Variants in THSD4 observed in about 807,000 individuals in gnomAD.
THSD4 encodes the protein thrombospondin type-1 domain-containing protein 4.
THSD4 carries 69 observed loss-of-function variants against 119.0 expected under a neutral mutation model. That is an observed-to-expected ratio of 0.58 (90% confidence interval 0.48 to 0.71). The LOEUF (loss-of-function observed/expected upper bound fraction) is 0.71. Among genes scored for constraint, THSD4 ranks in the 30% least tolerant of loss-of-function variants. THSD4 has a pLI of 0.00. For synonymous variants in THSD4, 524 were observed against 540.4 expected, an observed-to-expected ratio of 0.97 and a Z score of 0.42; for missense variants, 1,393 against 1,391.1, an observed-to-expected ratio of 1.00 and a Z score of -0.02.
intron 7 of THSD4, among the ~76,000 whole-genome samples, chr15:71,511,880 G>A (rs536760146): frequency 3.3e-5 from 5 of 152,252 alleles, no homozygotes; most frequent in African/African-American, 1.2e-4. Context: ...CCACAGAGAC[G>A]GTGTCGGGAA....
intron 4 of THSD4, among the ~76,000 whole-genome samples, chr15:71,232,457 GA>G (rs1474272563): frequency 6.6e-6 from 1 of 152,158 alleles, no homozygotes; most frequent in Non-Finnish European, 1.5e-5. Flanking sequence ...CCTGGAGAAT[GA>G]AACTTACTAA....
intron 6 of THSD4, among the ~76,000 whole-genome samples, chr15:71,349,675 A>C (rs1372042054): frequency 6.6e-6 from 1 of 152,232 alleles, no homozygotes; most frequent in Non-Finnish European, 1.5e-5. Flanking sequence ...CAGTAGCCAA[A>C]GACCACTGTA....
At chr15:71,204,465 T>G (rs752880168) in intron 3 of THSD4, among the ~76,000 whole-genome samples, 3 of 152,170 alleles carry the variant, frequency 2.0e-5, no homozygotes, top group Non-Finnish European at 2.9e-5. Context: ...GTTGTGGTAC[T>G]TGAAGCGAAT....
chr15:71,319,866 A>G (rs1280193073), intron 6 of THSD4, among the ~76,000 whole-genome samples: 1 of 152,184 alleles, frequency 6.6e-6, no homozygotes, highest in Non-Finnish European at 1.5e-5. Flanking sequence ...AGTGTTACAA[A>G]CACGTGATTA....
At chr15:71,584,810 A>C (rs573015361) in intron 7 of THSD4, among the ~76,000 whole-genome samples, 77 of 152,170 alleles carry the variant, frequency 5.1e-4, no homozygotes, top group African/African-American at 1.7e-3. Flanking sequence ...GCAATTTGAC[A>C]ATTTTTTGAG....
rs115575165 is a variant in THSD4 at position 71,322,413 on chromosome 15, C to T, written c.1015+65698C>T. On this transcript the variant is annotated intron_variant, in intron 6 of 17. Coordinates refer to ENST00000261862, the MANE Select transcript of THSD4 (RefSeq NM_024817.3). Reference sequence around the variant, plus strand: ...AAACTTGCTAGGCCTGTTAAATCTTCGTGACTTCCTTCTGTTTTAAATTTT... The same window carrying T: ...AAACTTGCTAGGCCTGTTAAATCTTTGTGACTTCCTTCTGTTTTAAATTTT... Among the ~76,000 whole-genome samples, 1,077 of 152,292 alleles carry T rather than the reference C, an allele frequency of 7.1e-3. 13 individuals carry two copies. The highest frequency in any genetic ancestry group is 0.023 in the African/African-American group (976 of 41,564).
At chr15:71,261,447 T>C (rs552406561) in intron 6 of THSD4, among the ~76,000 whole-genome samples, 1 of 152,344 alleles carries the variant, frequency 6.6e-6, no homozygotes, top group South Asian at 2.1e-4. Context: ...CTCTTGTTTG[T>C]GTTCAACAGG....
intron 7 of THSD4, among the ~76,000 whole-genome samples, chr15:71,645,260 C>A (rs960487411): frequency 6.6e-6 from 1 of 152,122 alleles, no homozygotes; most frequent in African/African-American, 2.4e-5. Context: ...TTAATTGACT[C>A]ACAATTCCAC....
upstream of THSD4, among the ~76,000 whole-genome samples, chr15:71,113,359 T>C (rs565271209): frequency 2.0e-5 from 3 of 152,336 alleles, no homozygotes; most frequent in South Asian, 6.2e-4. Flanking sequence ...TCACTAATAA[T>C]CATACTTTGG....
rs148185385 is a variant in THSD4, at chr15:71,161,980, AAAC to A, written c.99+7052_99+7054del. Among the ~76,000 whole-genome samples, 286 of 152,134 alleles carry A rather than the reference AAAC, an allele frequency of 1.9e-3. 1 individual carries two copies. Among genetic ancestry groups the A allele is most frequent in the African/African-American group, 6.8e-3 (283 of 41,532 alleles). ...GTTATAATAGACTATTTCAAGCTGA[AAAC>A]AACTTAACTTTAGTTGCATTAAAGT... is the stretch of plus-strand genomic sequence containing the variant. On this transcript the variant is annotated intron_variant, in intron 3 of 17. Coordinates refer to ENST00000261862, the MANE Select transcript of THSD4 (RefSeq NM_024817.3).
At chr15:71,184,588 A>G (rs1434684377) in intron 3 of THSD4, among the ~76,000 whole-genome samples, 4 of 151,864 alleles carry the variant, frequency 2.6e-5, no homozygotes, top group Admixed American at 6.6e-5. Context: ...GCCTAGAGAC[A>G]TTAAATCCAC....
At chr15:71,461,334 G>A (rs1286334718) in intron 7 of THSD4, among the ~76,000 whole-genome samples, 1 of 152,166 alleles carries the variant, frequency 6.6e-6, no homozygotes, top group Non-Finnish European at 1.5e-5. Context: ...GTGCGAGGTA[G>A]AAGCCCCAAT....
intron 6 of THSD4, among the ~76,000 whole-genome samples, chr15:71,270,120 C>T (rs888773481): frequency 6.6e-6 from 1 of 152,136 alleles, no homozygotes; most frequent in Admixed American, 6.5e-5. Context: ...CATATGGAAC[C>T]CAAAAAGAGC....
chr15:71,122,159 T>C (rs1168226805), intron 1 of THSD4, among the ~76,000 whole-genome samples: 2 of 152,172 alleles, frequency 1.3e-5, no homozygotes, highest in Non-Finnish European at 2.9e-5. Flanking sequence ...TTCATTCTGC[T>C]TGAAGTTCAG....
intron 7 of THSD4, among the ~76,000 whole-genome samples, chr15:71,468,131 G>C (rs2047525971): frequency 1.3e-5 from 2 of 152,206 alleles, no homozygotes; most frequent in Non-Finnish European, 2.9e-5. Context: ...TTACAGGCAT[G>C]AGCCACTGCG....
chr15:71,263,105 TTCTCCCTCCTCCCA>T (rs2044420339), intron 6 of THSD4, among the ~76,000 whole-genome samples: 1 of 152,136 alleles, frequency 6.6e-6, no homozygotes, highest in African/African-American at 2.4e-5. Context: ...TTTCCTGACC[TTCTCCCTCCTCCCA>T]GTCTCTGCCC....
chr15:71,697,659 G>A (rs549738131), intron 8 of THSD4, among the ~76,000 whole-genome samples: 62 of 152,284 alleles, frequency 4.1e-4, no homozygotes, highest in Admixed American at 4.6e-4. Context: ...AGTCCAAAAC[G>A]CACCATGTAA....
chr15:71,703,691 G>T (rs1039463873), intron 8 of THSD4, among the ~76,000 whole-genome samples: 1 of 152,296 alleles, frequency 6.6e-6, no homozygotes, highest in Non-Finnish European at 1.5e-5. Context: ...TTCTACCACA[G>T]CCTGGGGTGG....
chr15:71,370,623 T>G (rs1243886914), intron 6 of THSD4, among the ~76,000 whole-genome samples: 2 of 152,232 alleles, frequency 1.3e-5, no homozygotes, highest in African/African-American at 2.4e-5. Flanking sequence ...GAGTTCTGGT[T>G]TGATTGCACT....
Sources: allele counts gnomAD v4.1 joint callset (sites outside exome capture counted in the v4.1 genomes callset), GRCh38; gene constraint gnomAD v4.1.1; transcripts MANE v1.5; gene names NCBI Gene and HGNC (gene_info 2026-07-23, HGNC 2026-07-21).